Variants in ICE1 observed in about 807,000 individuals in gnomAD.
ICE1 encodes the protein interactor of little elongation complex ELL subunit 1, also known as little elongation complex subunit 1.
In ICE1, 64 loss-of-function variants were observed where a neutral mutation model predicts 192.7. The observed-to-expected ratio is 0.33, with a 90% confidence interval of 0.27 to 0.41. ICE1 has a LOEUF of 0.41. ICE1 is among the 10% of genes least tolerant of loss of function. The probability of loss-of-function intolerance (pLI) is 1.00; values close to 1 mark genes in which losing one functional copy is unlikely to be tolerated. For missense variants in ICE1, 2,708 were observed against 2,696.0 expected (o/e 1.00, Z -0.10); for synonymous variants, 1,010 against 984.5 (o/e 1.03, Z -0.49).
chr5:5,423,508 G>T (rs772723932), intron 1 of ICE1, among the ~76,000 whole-genome samples: 12 of 152,176 alleles, frequency 7.9e-5, no homozygotes, highest in Non-Finnish European at 1.5e-4. Flanking sequence ...GCCATCCCGA[G>T]GCTAATTTTT....
At chr5:5,480,095 A>G (rs1739453585) in intron 17 of ICE1, among the ~76,000 whole-genome samples, 1 of 152,116 alleles carries the variant, frequency 6.6e-6, no homozygotes, top group Non-Finnish European at 1.5e-5. Flanking sequence ...TGAAAAAAGA[A>G]AGCTCTCTTA....
Position 5,468,835 on chromosome 5 carries a change from G to A in ICE1, c.6069G>A (p.Pro2023=), listed in dbSNP as rs771344299. 2.0e-5 allele frequency: 31 copies of A among 1,567,980 alleles called. No individual in the cohort carries two copies. Among genetic ancestry groups the A allele is most frequent in the Non-Finnish European group, 2.3e-5 (27 of 1,156,150 alleles). ...TTATTTTATTTCTGATAGATTTTCC[G>A]GAGTCTGAAAAATTAACTTTGTTTA... ...FCYSLLKEDF[P]ESEKLTLFIA... Residue 2023 remains proline, a synonymous_variant, in exon 15 of 19, where the codon CCG becomes CCA. Coordinates refer to ENST00000296564, the MANE Select transcript of ICE1 (RefSeq NM_015325.3).
chr5:5,474,459 G>A (rs1006690449), intron 16 of ICE1, among the ~76,000 whole-genome samples: 3 of 152,096 alleles, frequency 2.0e-5, no homozygotes, highest in East Asian at 1.9e-4. Context: ...TATCATTATC[G>A]TAACATACAG....
In ICE1 at chr5:5,454,905, A is replaced by G. The variant is rs891877191; in HGVS notation, c.691+267A>G. Among the ~76,000 whole-genome samples, 121 of 151,914 alleles carry G rather than the reference A, an allele frequency of 8.0e-4. 1 individual carries two copies. Among genetic ancestry groups the G allele is most frequent in the African/African-American group, 2.8e-3 (116 of 41,426 alleles). On this transcript the variant is annotated intron_variant, in intron 11 of 18. Coordinates refer to ENST00000296564, the MANE Select transcript of ICE1 (RefSeq NM_015325.3). ...GGCATATCTGGCAGGTGGAGAGGGG[A>G]TACTTGAAGGATGCAGTTTCTTCTG...
Position 5,462,615 on chromosome 5 carries a change from T to C in ICE1, c.3281T>C (p.Leu1094Ser). 1 of 1,613,926 alleles carries C rather than the reference T, an allele frequency of 6.2e-7. No homozygotes were observed. Among genetic ancestry groups the C allele is most frequent in the Non-Finnish European group, 8.5e-7 (1 of 1,179,864 alleles). Residue 1094 changes from leucine (L) to serine (S), a missense_variant, in exon 13 of 19, where the codon TTA becomes TCA. Leu to Ser is a moderately radical substitution (Grantham distance 145, BLOSUM62 -2). Transcript: ENST00000296564. ...TCCCAAAGTAGCCTGCCTGGTACCT[T>C]ACATTGTTACACAGGCATTCGAGAG... ...DTSQSSLPGT[L>S]HCYTGIREGG...
In ICE1 at chr5:5,461,880, C is replaced by G; in HGVS notation, c.2546C>G (p.Thr849Ser). Residue 849 changes from threonine (T) to serine (S), a missense_variant, in exon 13 of 19, where the codon ACC becomes AGC. Physicochemically the swap from Thr to Ser is moderately conservative, Grantham distance 58. Coordinates refer to ENST00000296564, the MANE Select transcript of ICE1 (RefSeq NM_015325.3). ...RENNNPVEFK[T>S]TASVLPNQVS... ...AATAACAATCCTGTAGAATTCAAGA[C>G]CACTGCATCGGTGTTGCCTAATCAA... 6.2e-7 allele frequency: 1 copy of G among 1,613,874 alleles called. No homozygotes were observed. Among genetic ancestry groups the G allele is most frequent in the Non-Finnish European group, 8.5e-7 (1 of 1,179,878 alleles).
intron 10 of ICE1, among the ~76,000 whole-genome samples, chr5:5,450,190 T>G (rs1046936973): frequency 2.3e-4 from 35 of 152,336 alleles, no homozygotes; most frequent in African/African-American, 7.2e-4. Flanking sequence ...ACTGATTGCA[T>G]TTCCTTTAGA....
chr5:5,466,614 A>G, intron 14 of ICE1, 112 bp downstream of exon 14: 2 of 952,712 alleles, frequency 2.1e-6, no homozygotes, highest in African/African-American at 1.7e-5. Context: ...AAATAATGTT[A>G]TGTTTTGTCC....
At chr5:5,474,003 G>A (rs1655416150) in intron 16 of ICE1, among the ~76,000 whole-genome samples, 2 of 152,046 alleles carry the variant, frequency 1.3e-5, no homozygotes, top group African/African-American at 2.4e-5. Flanking sequence ...GAGGTCAGGA[G>A]ATCGAGACCA....
chr5:5,489,365 A>T lies in ICE1; in HGVS notation c.*35A>T. 1 of 1,534,952 alleles carries T rather than the reference A, an allele frequency of 6.5e-7. No homozygotes were observed. Among genetic ancestry groups the T allele is most frequent in the East Asian group, 2.3e-5 (1 of 43,182 alleles). On this transcript the variant is annotated 3_prime_UTR_variant, in exon 19 of 19. Transcript: ENST00000296564. ...CCACTGAGGCTTGAGAAGTGCCTTGACACATTTTGAACACAAATAGTTTGA... is the reference window on the plus strand; with the variant it reads ...CCACTGAGGCTTGAGAAGTGCCTTGTCACATTTTGAACACAAATAGTTTGA...
At position 5,454,713 on chromosome 5, in the gene ICE1, C is replaced by G; in HGVS notation, c.691+75C>G. ...TTAACCATAGGCATAGCAGCCGTTA[C>G]TTTTTAATAGCTCCTGATTCTAACA... On this transcript the variant is annotated intron_variant, in intron 11 of 18. Transcript: ENST00000296564. 2 of 985,138 alleles carry G rather than the reference C, an allele frequency of 2.0e-6. 1 individual carries two copies. The highest frequency in any genetic ancestry group is 2.9e-5 in the South Asian group (2 of 68,892). 61.0% of individuals were successfully genotyped at this position (985,138 alleles called of 1,614,324 possible). A position where few individuals can be genotyped will look rare whatever the true frequency, so the allele number is the denominator to read the frequency against.
chr5:5,432,669 C>T (rs1391756304), intron 1 of ICE1, among the ~76,000 whole-genome samples: 2 of 152,184 alleles, frequency 1.3e-5, no homozygotes, highest in Admixed American at 6.5e-5. Flanking sequence ...TCCACATCAT[C>T]ATCAACACTT....
chr5:5,453,446 A>C (rs1738485906), intron 10 of ICE1, among the ~76,000 whole-genome samples: 1 of 152,170 alleles, frequency 6.6e-6, no homozygotes, highest in Non-Finnish European at 1.5e-5. Flanking sequence ...CTAATCTCTT[A>C]CAAAATCTGT....
Position 5,460,808 on chromosome 5 carries a change from G to C in ICE1, c.1474G>C (p.Asp492His). The part of the protein sequence containing the change: ...TKTQMEVREM[D>H]KSVQTEKTIH... ...AACACAAATGGAGGTTAGGGAGATG[G>C]ATAAGTCAGTACAAACTGAGAAGAC... is the stretch of plus-strand genomic sequence containing the variant. Residue 492 changes from aspartate to histidine, a missense_variant, in exon 13 of 19, where the codon GAT becomes CAT. By Grantham distance (81) the Asp-to-His change is moderately conservative. Transcript: ENST00000296564. The C allele has an allele frequency of 6.2e-7, 1 of 1,613,984 alleles. No individual in the cohort carries two copies. The highest frequency in any genetic ancestry group is 1.7e-5 in the Admixed American group (1 of 60,016).
intron 3 of ICE1, among the ~76,000 whole-genome samples, chr5:5,438,027 G>A (rs1304562346): frequency 6.6e-6 from 1 of 152,194 alleles, no homozygotes; most frequent in South Asian, 2.1e-4. Flanking sequence ...AGGACTACCC[G>A]AGACTGGGTA....
chr5:5,485,610 A>G (rs1739620328), intron 17 of ICE1, among the ~76,000 whole-genome samples: 1 of 152,176 alleles, frequency 6.6e-6, no homozygotes, highest in Non-Finnish European at 1.5e-5. Flanking sequence ...TGAGCTTTTT[A>G]TACCTTGTTA....
intron 18 of ICE1, among the ~76,000 whole-genome samples, chr5:5,487,119 C>A (rs1445613659): frequency 1.3e-5 from 2 of 152,106 alleles, no homozygotes; most frequent in African/African-American, 4.8e-5. Flanking sequence ...CTGTGTGATC[C>A]CTGACAAGTG....
Position 5,489,335 on chromosome 5 carries a change from G to T in ICE1, c.*5G>T. ...AGCACAGAGGAGCTTGGCTGACCTGGGATGCCACTGAGGCTTGAGAAGTGC... is the reference window on the plus strand; with the variant it reads ...AGCACAGAGGAGCTTGGCTGACCTGTGATGCCACTGAGGCTTGAGAAGTGC... On this transcript the variant is annotated 3_prime_UTR_variant, in exon 19 of 19. Transcript: ENST00000296564. The T allele has an allele frequency of 6.2e-7, 1 of 1,600,650 alleles. No individual in the cohort carries two copies. Among genetic ancestry groups the T allele is most frequent in the Non-Finnish European group, 8.5e-7 (1 of 1,174,276 alleles).
Position 5,473,468 on chromosome 5 carries a change from C to T in ICE1, c.6223-90C>T, listed in dbSNP as rs10067531. ...TATTTCAGATTAAATGATTAGTCATCGAATGCTTATTATAGTCTTTTAGAT... is the reference window on the plus strand; with the variant it reads ...TATTTCAGATTAAATGATTAGTCATTGAATGCTTATTATAGTCTTTTAGAT... On this transcript the variant is annotated intron_variant, in intron 15 of 18. Coordinates refer to ENST00000296564, the MANE Select transcript of ICE1 (RefSeq NM_015325.3). 9.0e-3 allele frequency: 9,877 copies of T among 1,097,672 alleles called. 649 individuals carry two copies. In the African/African-American group the frequency reaches 0.14, roughly 16 times the overall value. 68.0% of individuals were successfully genotyped at this position (1,097,672 alleles called of 1,614,324 possible).
Sources: allele counts gnomAD v4.1 joint callset (sites outside exome capture counted in the v4.1 genomes callset), GRCh38; gene constraint gnomAD v4.1.1; transcripts MANE v1.5; gene names NCBI Gene and HGNC (gene_info 2026-07-23, HGNC 2026-07-21).